PLCB1: variants seen among roughly 807,000 people sequenced by gnomAD.
PLCB1 encodes the protein 1-phosphatidylinositol 4,5-bisphosphate phosphodiesterase beta-1.
Under a neutral mutation model 161.8 loss-of-function variants are expected in PLCB1, and 46 were observed. The ratio of observed to expected loss-of-function variants is 0.28; its 90% CI spans 0.22 to 0.36. The LOEUF is 0.36. PLCB1 is among the 10% of genes least tolerant of loss of function. The pLI, the probability that PLCB1 is intolerant of heterozygous loss-of-function variation, is 1.00. For missense variants in PLCB1, 1,016 were observed against 1,472.5 expected (o/e 0.69, Z 5.07); for synonymous variants, 517 against 503.7 (o/e 1.03, Z -0.35).
chr20:8,175,278 T>C (rs1233484036), intron 2 of PLCB1, among the ~76,000 whole-genome samples: 1 of 151,806 alleles, frequency 6.6e-6, no homozygotes, highest in Non-Finnish European at 1.5e-5. Context: ...AAGGCAGATG[T>C]AAACTCTAAT....
chr20:8,365,406 G>A (rs540335394), intron 2 of PLCB1, among the ~76,000 whole-genome samples: 3 of 152,094 alleles, frequency 2.0e-5, no homozygotes, highest in South Asian at 2.1e-4. Flanking sequence ...CATTTCCATT[G>A]GTGTTTCTTA....
chr20:8,616,775 GA>G (rs1417528525), intron 3 of PLCB1, among the ~76,000 whole-genome samples: 1 of 152,196 alleles, frequency 6.6e-6, no homozygotes, highest in East Asian at 1.9e-4. Context: ...ATTCCCCCAT[GA>G]GGAGAAAGCT....
chr20:8,884,334 G>C lies in PLCB1; in HGVS notation c.*2485G>C, dbSNP rs1988098726. On this transcript the variant is annotated 3_prime_UTR_variant, in exon 32 of 32. Transcript: ENST00000338037. ...TTTTGTGCCTTTATGTATTTGCCTT[G>C]TTCTTTGTCGAATGTGTGAAATTCC... The C allele has an allele frequency of 1.3e-5, 2 of 152,508 alleles. No individual in the cohort carries two copies. Among genetic ancestry groups the C allele is most frequent in the Non-Finnish European group, 2.9e-5 (2 of 68,018 alleles). 9.4% of individuals were successfully genotyped at this position (152,508 alleles called of 1,614,324 possible). A position where few individuals can be genotyped will look rare whatever the true frequency, so the allele number is the denominator to read the frequency against.
intron 2 of PLCB1, among the ~76,000 whole-genome samples, chr20:8,215,263 C>A (rs142984663): frequency 4.0e-5 from 6 of 151,730 alleles, no homozygotes; most frequent in Admixed American, 3.9e-4. Context: ...TCTTAAATTT[C>A]GGAATCGATT....
At chr20:8,434,740 C>T (rs1980223755) in intron 3 of PLCB1, among the ~76,000 whole-genome samples, 2 of 152,182 alleles carry the variant, frequency 1.3e-5, no homozygotes, top group Non-Finnish European at 2.9e-5. Context: ...GAGGTCTCCT[C>T]TAGAGCTCAT....
chr20:8,391,315 A>G (rs1257955466), intron 3 of PLCB1, among the ~76,000 whole-genome samples: 1 of 152,156 alleles, frequency 6.6e-6, no homozygotes, highest in African/African-American at 2.4e-5. Flanking sequence ...CCCCCAGAGA[A>G]CTATCACAGC....
At chr20:8,239,372 C>A (rs1320798190) in intron 2 of PLCB1, among the ~76,000 whole-genome samples, 1 of 151,964 alleles carries the variant, frequency 6.6e-6, no homozygotes, top group Non-Finnish European at 1.5e-5. Flanking sequence ...CCATCTTAGG[C>A]AAGGCAGTGC....
chr20:8,744,635 TAAAATAAAATAAAATAAAATA>T (rs1981067641), intron 23 of PLCB1, among the ~76,000 whole-genome samples: 2 of 58,684 alleles, frequency 3.4e-5, no homozygotes, highest in Admixed American at 1.8e-4. Flanking sequence ...TAAAATAAAA[TAAAATAAAATAAAATAAAATA>T]AAAAAATAAA....
At chr20:8,324,029 AG>A (rs2055985959) in intron 2 of PLCB1, among the ~76,000 whole-genome samples, 1 of 152,198 alleles carries the variant, frequency 6.6e-6, no homozygotes, top group Admixed American at 6.5e-5. Context: ...TTCTAAATCA[AG>A]AAAAACATAT....
intron 3 of PLCB1, among the ~76,000 whole-genome samples, chr20:8,403,513 C>T (rs898320556): frequency 2.1e-4 from 32 of 152,034 alleles, no homozygotes; most frequent in Admixed American, 2.0e-3. Context: ...CCAGTGGTGC[C>T]GTAGGTTGGA....
intron 31 of PLCB1, among the ~76,000 whole-genome samples, chr20:8,806,256 G>A (rs191145885): frequency 2.6e-5 from 4 of 152,120 alleles, no homozygotes; most frequent in East Asian, 1.9e-4. Flanking sequence ...GCTGTTTTCC[G>A]TGTTCATCGC....
chr20:8,274,562 A>T (rs768720689), intron 2 of PLCB1, among the ~76,000 whole-genome samples: 19 of 152,026 alleles, frequency 1.2e-4, no homozygotes, highest in Non-Finnish European at 2.2e-4. Context: ...TACTAGCACT[A>T]TATTTAAATA....
chr20:8,136,491 T>C (rs1162826761), intron 1 of PLCB1, among the ~76,000 whole-genome samples: 2 of 151,926 alleles, frequency 1.3e-5, no homozygotes, highest in Non-Finnish European at 2.9e-5. Context: ...CCGGGCGTGG[T>C]GGCGGGCGCC....
At chr20:8,816,359 A>G (rs551514862) in intron 31 of PLCB1, among the ~76,000 whole-genome samples, 22 of 152,372 alleles carry the variant, frequency 1.4e-4, no homozygotes, top group African/African-American at 4.8e-4. Flanking sequence ...AATACCAAAA[A>G]CAAAAAGAAT....
intron 3 of PLCB1, among the ~76,000 whole-genome samples, chr20:8,494,265 G>T (rs535431577): frequency 2.0e-5 from 3 of 152,260 alleles, no homozygotes; most frequent in East Asian, 3.9e-4. Context: ...CGCTTTTGAA[G>T]TTTTTCACTT....
At chr20:8,238,067 A>C (rs1009472477) in intron 2 of PLCB1, among the ~76,000 whole-genome samples, 3 of 152,098 alleles carry the variant, frequency 2.0e-5, no homozygotes, top group Non-Finnish European at 2.9e-5. Flanking sequence ...AATCTTTTCC[A>C]TGTGAGTTAT....
intron 2 of PLCB1, among the ~76,000 whole-genome samples, chr20:8,293,327 A>G (rs1983467954): frequency 6.6e-6 from 1 of 152,162 alleles, no homozygotes; most frequent in Admixed American, 6.6e-5. Flanking sequence ...TCAAGTAAAA[A>G]TGGTGTTACT....
chr20:8,345,770 T>C (rs1985982316), intron 2 of PLCB1, among the ~76,000 whole-genome samples: 1 of 152,172 alleles, frequency 6.6e-6, no homozygotes, highest in Admixed American at 6.5e-5. Context: ...ATGTGCTGGG[T>C]GAAAGCCAAT....
intron 4 of PLCB1, among the ~76,000 whole-genome samples, chr20:8,640,518 A>C (rs1410066225): frequency 2.6e-5 from 4 of 152,328 alleles, no homozygotes; most frequent in East Asian, 3.9e-4. Context: ...TAACACTGAG[A>C]CTGCTAGGAT....
Sources: allele counts gnomAD v4.1 joint callset (sites outside exome capture counted in the v4.1 genomes callset), GRCh38; gene constraint gnomAD v4.1.1; transcripts MANE v1.5; gene names NCBI Gene and HGNC (gene_info 2026-07-23, HGNC 2026-07-21).